The following RNF111 variants were observed in gnomAD, a reference collection of about 807,000 sequenced individuals.
RNF111 encodes E3 ubiquitin-protein ligase Arkadia.
RNF111 carries 17 observed loss-of-function variants against 95.1 expected under a neutral mutation model. The observed-to-expected ratio is 0.18, with a 90% CI of 0.12 to 0.27. The LOEUF is 0.27. Ranked by LOEUF, RNF111 falls within the 10% of genes least tolerant of loss-of-function variation. The pLI is 1.00. For synonymous variants in RNF111, 440 were observed against 414.8 expected (o/e 1.06, Z -0.74); for missense variants, 1,189 against 1,210.4 (o/e 0.98, Z 0.26).
rs1448358719 is a variant in RNF111 at position 59,031,208 on chromosome 15, A to G, written c.386A>G (p.Asp129Gly). The G allele has an allele frequency of 6.2e-7, 1 of 1,614,238 alleles. No individual in the cohort carries two copies. The highest frequency in any genetic ancestry group is 1.1e-5 in the South Asian group (1 of 91,088). Reference protein sequence around the residue: ...RQHLGTPSDEDNDSSFSDCLS... With the variant: ...RQHLGTPSDEGNDSSFSDCLS... ...CACCTAGGGACACCAAGTGATGAAG[A>G]TAATGATTCCTCTTTTAGTGATTGT... Residue 129 changes from aspartate (D) to glycine (G), a missense_variant, in exon 2 of 14, where the codon GAT (aspartate) becomes GGT (glycine). Around this residue, in one of 2 missense-constraint regions of RNF111, gnomAD observed 1,024 missense variants for 925.9 expected, o/e 1.11. Coordinates refer to ENST00000348370, the MANE Select transcript of RNF111 (RefSeq NM_017610.8).
At chr15:59,020,318 C>T (rs1445308243) in intron 1 of RNF111, among the ~76,000 whole-genome samples, 1 of 151,336 alleles carries the variant, frequency 6.6e-6, no homozygotes, top group Non-Finnish European at 1.5e-5. Flanking sequence ...AATTAATTAG[C>T]AGTATCTTTA....
intron 3 of RNF111, among the ~76,000 whole-genome samples, chr15:59,053,546 G>A (rs1246118056): frequency 6.6e-6 from 1 of 152,170 alleles, no homozygotes; most frequent in African/African-American, 2.4e-5. Context: ...GCATCGAAGT[G>A]CTACTTCTAA....
rs755392760 is a variant in RNF111 at position 59,076,097 on chromosome 15, C to T, written c.1830C>T (p.Ala610=). 6 of 1,614,178 alleles carry T rather than the reference C, an allele frequency of 3.7e-6. No homozygotes were observed. ...TTGGCCATCAGGCCGCTGCTGCTGC[C>T]CCAAGTCAACCTTTATCATCAATAG... is the stretch of plus-strand genomic sequence containing the variant. ...AIFGHQAAAA[A]PSQPLSSIDG... is the part of the protein sequence containing the mutation. The change falls in exon 7 of 14, where the codon GCC becomes GCT. Residue 610 remains alanine, a synonymous_variant. Coordinates refer to ENST00000348370, the MANE Select transcript of RNF111 (RefSeq NM_017610.8).
intron 1 of RNF111, among the ~76,000 whole-genome samples, chr15:59,013,761 T>G (rs1567210988): frequency 6.6e-6 from 1 of 152,192 alleles, no homozygotes; most frequent in Non-Finnish European, 1.5e-5. Flanking sequence ...GATTTATTTA[T>G]ATCAGTATGG....
At chr15:59,012,377 A>G (rs1431419725) in intron 1 of RNF111, among the ~76,000 whole-genome samples, 1 of 152,058 alleles carries the variant, frequency 6.6e-6, no homozygotes, top group African/African-American at 2.4e-5. Context: ...TAAGACCCTT[A>G]GCCTTTAGTG....
chr15:59,049,485 G>T, intron 2 of RNF111: 2 of 207,376 alleles, frequency 9.6e-6, no homozygotes, highest in South Asian at 8.8e-5. Context: ...GGTGGAGAAT[G>T]CTGGTGCTTC....
chr15:59,067,280 T>TCCTCTCTTCCCCTCCTTCCTTC (rs1485172373), intron 6 of RNF111, among the ~76,000 whole-genome samples, 197 bp downstream of exon 6: 1 of 150,056 alleles, frequency 6.7e-6, no homozygotes, highest in African/African-American at 2.5e-5. Context: ...TTCCTTCCTT[T>TCCTCTCTTCCCCTCCTTCCTTC]CCTCTCTTCC....
intron 2 of RNF111, among the ~76,000 whole-genome samples, chr15:59,047,646 G>A (rs1044721232): frequency 5.9e-5 from 9 of 151,970 alleles, no homozygotes; most frequent in Admixed American, 2.6e-4. Flanking sequence ...TGCCATCTTG[G>A]CTCACTGCAA....
chr15:59,088,375 G>A (rs1596311579), intron 10 of RNF111, among the ~76,000 whole-genome samples: 1 of 152,184 alleles, frequency 6.6e-6, no homozygotes, highest in East Asian at 1.9e-4. Flanking sequence ...CTTTGAAGAT[G>A]TTTAGGAGGT....
chr15:59,035,713 CA>C (rs796269857), intron 2 of RNF111, among the ~76,000 whole-genome samples: 5 of 152,338 alleles, frequency 3.3e-5, no homozygotes, highest in African/African-American at 1.2e-4. Context: ...AAGGCAGAGG[CA>C]AAATGCTGCC....
intron 3 of RNF111, among the ~76,000 whole-genome samples, chr15:59,052,858 G>T (rs890252225): frequency 3.3e-5 from 5 of 152,170 alleles, no homozygotes; most frequent in African/African-American, 1.2e-4. Context: ...TATACAATGA[G>T]AGTTAAGAGT....
intron 1 of RNF111, among the ~76,000 whole-genome samples, chr15:59,028,557 T>C (rs1007384222): frequency 6.6e-6 from 1 of 152,210 alleles, no homozygotes; most frequent in Non-Finnish European, 1.5e-5. Flanking sequence ...AAAGTTAAAC[T>C]GGATAGTGAG....
intron 8 of RNF111, among the ~76,000 whole-genome samples, chr15:59,082,429 T>G (rs923035061): frequency 3.3e-5 from 5 of 152,182 alleles, no homozygotes; most frequent in Admixed American, 6.6e-5. Context: ...GGAAGGAAAG[T>G]ATTAATAGAA....
intron 1 of RNF111, among the ~76,000 whole-genome samples, chr15:58,999,439 A>C (rs1567199534): frequency 6.6e-6 from 1 of 152,068 alleles, no homozygotes; most frequent in Non-Finnish European, 1.5e-5. Flanking sequence ...AGGTTCAAGC[A>C]ATTCTGCTGC....
At chr15:59,039,040 C>T (rs1320916592) in intron 2 of RNF111, among the ~76,000 whole-genome samples, 1 of 152,160 alleles carries the variant, frequency 6.6e-6, no homozygotes, top group Non-Finnish European at 1.5e-5. Context: ...TCTCAGCTCA[C>T]CGCAACCTCT....
intron 1 of RNF111, among the ~76,000 whole-genome samples, chr15:58,996,957 C>T (rs1423627166): frequency 6.6e-6 from 1 of 152,072 alleles, no homozygotes; most frequent in African/African-American, 2.4e-5. Context: ...AAAATTATTT[C>T]TGTAGTCTAT....
chr15:59,081,975 G>T (rs140100939), intron 8 of RNF111, among the ~76,000 whole-genome samples: 1 of 152,254 alleles, frequency 6.6e-6, no homozygotes. Flanking sequence ...GAGTGCAGTG[G>T]TGCAACCATA....
chr15:59,063,750 A>G (rs1596247932), intron 5 of RNF111, among the ~76,000 whole-genome samples: 2 of 152,220 alleles, frequency 1.3e-5, no homozygotes, highest in South Asian at 4.1e-4. Context: ...GAACAGATAC[A>G]TGTCATATCC....
rs778839209 is a variant in RNF111 at position 59,076,016 on chromosome 15, T to G, written c.1749T>G (p.His583Gln). Reference protein sequence around the residue: ...GIRSHGSGSFHGASAFDPCCP... With the variant: ...GIRSHGSGSFQGASAFDPCCP... ...GAAGTCATGGAAGTGGCAGTTTTCA[T>G]GGAGCATCTGCATTTGACCCCTGCT... Residue 583 changes from histidine (H) to glutamine (Q), a missense_variant, in exon 7 of 14, where the codon CAT becomes CAG. Physicochemically the swap from His to Gln is conservative, Grantham distance 24. Around this residue, in one of 2 missense-constraint regions of RNF111, gnomAD observed 1,024 missense variants for 925.9 expected, o/e 1.11. Transcript: ENST00000348370. 6.2e-6 allele frequency: 10 copies of G among 1,614,272 alleles called. No individual in the cohort carries two copies. In the Admixed American group the frequency reaches 1.7e-4, roughly 27 times the overall value.
Sources: gnomAD v4.1 joint callset for allele counts (sites outside exome capture counted in the v4.1 genomes callset) on GRCh38, gnomAD v4.1.1 for gene constraint, gnomAD v4.1.1 regional missense constraint, MANE v1.5 for transcripts, NCBI Gene and HGNC (gene_info 2026-07-23, HGNC 2026-07-21) for gene names.